The following NPIPB5 variants were observed in gnomAD, a reference collection of about 807,000 sequenced individuals.
The protein encoded by NPIPB5 is nuclear pore complex-interacting protein family member B5.
For synonymous variants in NPIPB5, 1 was observed against 168.2 expected, an observed-to-expected ratio of 0.01 and a Z score of 7.69; for missense variants, 10 against 414.7, an observed-to-expected ratio of 0.02 and a Z score of 8.48.
At chr16:22,517,905 G>C (rs949840515) in intron 1 of NPIPB5, among the ~76,000 whole-genome samples, 1 of 140,208 alleles carries the variant, frequency 7.1e-6, no homozygotes, top group Admixed American at 7.3e-5. Context: ...TGTTAACCCT[G>C]TTTTTTGTTT....
exon 7 of NPIPB5, chr16:22,534,547 C>G (rs2049895377): frequency 6.2e-7 from 1 of 1,611,454 alleles, no homozygotes; most frequent in Admixed American, 1.7e-5. Context: ...GCTCACTGCC[C>G]TTCCACCCTC....
Position 22,527,859 on chromosome 16 carries a change from C to G in NPIPB5, c.431C>G (p.Thr144Ser), listed in dbSNP as rs1431559554. 1.4e-4 allele frequency: 15 copies of G among 105,300 alleles called. No homozygotes were observed. In the East Asian group the frequency reaches 2.5e-3, roughly 18 times the overall value. 6.5% of individuals were successfully genotyped at this position (105,300 alleles called of 1,614,324 possible). ...AAAATTGGCCTGAAAGACGTCATTA[C>G]TCTACGGAGACATGTGGAAACAAAA... The change falls in exon 4 of 7, where the codon ACT becomes AGT. Residue 144 changes from threonine to serine, a missense_variant. Transcript: ENST00000424340.
intron 4 of NPIPB5, among the ~76,000 whole-genome samples, chr16:22,528,605 T>C (rs1372206118): frequency 1.8e-4 from 21 of 119,898 alleles, no homozygotes; most frequent in Middle Eastern, 3.5e-3. Flanking sequence ...CTTGGCTCAC[T>C]GCAACCTCTG....
chr16:22,528,839 G>A (rs1395965841), intron 4 of NPIPB5, among the ~76,000 whole-genome samples: 1 of 149,030 alleles, frequency 6.7e-6, no homozygotes, highest in African/African-American at 2.4e-5. Context: ...GAGTAGCTGG[G>A]ACTACAGGCA....
chr16:22,528,691 A>C (rs1567383627), intron 4 of NPIPB5, among the ~76,000 whole-genome samples: 5 of 25,344 alleles, frequency 2.0e-4, no homozygotes, highest in South Asian at 1.1e-3. Context: ...ACATTTGACC[A>C]ATTTTTTTTT....
chr16:22,528,455 T>TA (rs2049831636), intron 4 of NPIPB5, among the ~76,000 whole-genome samples: 1 of 95,748 alleles, frequency 1.0e-5, no homozygotes, highest in Non-Finnish European at 2.1e-5. Context: ...TGACCTCAGG[T>TA]AATCCACCTG....
upstream of NPIPB5, among the ~76,000 whole-genome samples, chr16:22,510,770 C>A (rs376233424): frequency 1.8e-3 from 164 of 93,654 alleles, 19 homozygotes; most frequent in African/African-American, 5.1e-3. Context: ...AGGAAATTTA[C>A]TTATGTGCAG....
At chr16:22,517,967 G>A (rs1372592755) in intron 1 of NPIPB5, among the ~76,000 whole-genome samples, 6 of 133,006 alleles carry the variant, frequency 4.5e-5, no homozygotes, top group Non-Finnish European at 9.8e-5. Context: ...CTAGGCTGGA[G>A]TGCAGTGGTG....
intron 1 of NPIPB5, among the ~76,000 whole-genome samples, chr16:22,518,049 G>A (rs1249648464): frequency 2.1e-5 from 1 of 48,098 alleles, no homozygotes; most frequent in African/African-American, 7.8e-5. Flanking sequence ...CCAAGTAGGT[G>A]GGACTACAGG....
exon 7 of NPIPB5, chr16:22,536,316 A>C (rs2049910656): frequency 3.9e-5 from 3 of 76,654 alleles, no homozygotes; most frequent in Non-Finnish European, 5.8e-5. Context: ...CGTCACGCAA[A>C]CCCAAGAGGC....
chr16:22,528,834 G>C (rs2049845047), intron 4 of NPIPB5, among the ~76,000 whole-genome samples: 1 of 147,918 alleles, frequency 6.8e-6, no homozygotes, highest in East Asian at 2.1e-4. Flanking sequence ...CTCTTGAGTA[G>C]CTGGGACTAC....
chr16:22,510,778 C>T (rs2049777375), upstream of NPIPB5, among the ~76,000 whole-genome samples: 2 of 93,006 alleles, frequency 2.2e-5, 1 homozygote, highest in Admixed American at 2.0e-4. Flanking sequence ...TACTTATGTG[C>T]AGCATTTTAA....
chr16:22,528,595 C>G (rs1382053148), intron 4 of NPIPB5, among the ~76,000 whole-genome samples: 7 of 97,190 alleles, frequency 7.2e-5, no homozygotes, highest in African/African-American at 2.4e-4. Flanking sequence ...ATGGTGCAAT[C>G]TTGGCTCACT....
intron 1 of NPIPB5, among the ~76,000 whole-genome samples, chr16:22,517,730 G>A (rs1241199814): frequency 3.4e-5 from 1 of 29,584 alleles, no homozygotes; most frequent in African/African-American, 1.3e-4. Flanking sequence ...TAGTAGAGAC[G>A]GGGTTTCACC....
upstream of NPIPB5, among the ~76,000 whole-genome samples, chr16:22,510,707 G>T (rs973325012): frequency 1.2e-5 from 1 of 82,692 alleles, no homozygotes; most frequent in Non-Finnish European, 2.0e-5. Flanking sequence ...AGTAACTGTG[G>T]ATGATGGAAA....
chr16:22,534,551 C>G (rs1391032929), exon 7 of NPIPB5: 1 of 1,611,526 alleles, frequency 6.2e-7, no homozygotes, highest in Admixed American at 1.7e-5. Flanking sequence ...ACTGCCCTTC[C>G]ACCCTCAGCA....
upstream of NPIPB5, among the ~76,000 whole-genome samples, chr16:22,510,939 C>T (rs1302103968): frequency 1.9e-4 from 3 of 15,456 alleles, no homozygotes; most frequent in Non-Finnish European, 1.8e-4. Context: ...GGCATGATCT[C>T]GGCTCACTAC....
intron 4 of NPIPB5, among the ~76,000 whole-genome samples, chr16:22,528,688 A>C: frequency 4.4e-5 from 2 of 45,554 alleles, no homozygotes; most frequent in South Asian, 7.5e-4. Flanking sequence ...ACCACATTTG[A>C]CCAATTTTTT....
At chr16:22,534,659 C>T (rs2049898455) in exon 7 of NPIPB5, 1 of 1,556,142 alleles carries the variant, frequency 6.4e-7, no homozygotes, top group African/African-American at 1.5e-5. Flanking sequence ...CAGCTCACTC[C>T]CCTTCCACCC....
Sources: gnomAD v4.1 joint callset for allele counts (sites outside exome capture counted in the v4.1 genomes callset) on GRCh38, gnomAD v4.1.1 for gene constraint, MANE v1.5 for transcripts, NCBI Gene and HGNC (gene_info 2026-07-23, HGNC 2026-07-21) for gene names.